SASH1: variants seen among roughly 807,000 people sequenced by gnomAD.
SASH1 encodes the protein SAM and SH3 domain-containing protein 1.
Under a neutral mutation model 125.2 loss-of-function variants are expected in SASH1, and 44 were observed. That is an observed-to-expected ratio of 0.35 (90% CI 0.28 to 0.45). The LOEUF (loss-of-function observed/expected upper bound fraction) is 0.45. SASH1 is among the 20% of genes least tolerant of loss of function. SASH1 has a pLI of 1.00. For missense variants in SASH1, 1,426 were observed against 1,614.5 expected, an observed-to-expected ratio of 0.88 and a Z score of 2.00; for synonymous variants, 639 against 649.1, an observed-to-expected ratio of 0.98 and a Z score of 0.24.
chr6:148,535,519 G>A (rs1781789638), intron 16 of SASH1, among the ~76,000 whole-genome samples: 1 of 152,224 alleles, frequency 6.6e-6, no homozygotes, highest in Non-Finnish European at 1.5e-5. Flanking sequence ...CGTTAAAGGA[G>A]GAGACGTCTC....
At chr6:148,513,623 C>A (rs899788628) in intron 8 of SASH1, 52 of 985,566 alleles carry the variant, frequency 5.3e-5, no homozygotes, top group Middle Eastern at 5.2e-4. Context: ...TGACTCCCTG[C>A]AAAGTGCAAT....
chr6:148,199,943 A>G, the SASH1 span, among the ~76,000 whole-genome samples: 1 of 152,180 alleles, frequency 6.6e-6, no homozygotes, highest in Non-Finnish European at 1.5e-5. Context: ...CTGAATATCA[A>G]CTGAGGGATA....
chr6:148,245,524 G>T, the SASH1 span, among the ~76,000 whole-genome samples: 1 of 152,160 alleles, frequency 6.6e-6, no homozygotes, highest in Non-Finnish European at 1.5e-5. Flanking sequence ...ATGCATTACT[G>T]GTTGTCTCTC....
chr6:148,342,000 C>T (rs1781342881), upstream of SASH1, among the ~76,000 whole-genome samples: 1 of 152,212 alleles, frequency 6.6e-6, no homozygotes, highest in Non-Finnish European at 1.5e-5. Context: ...CTTGGAAAAA[C>T]ACACACAGGG....
the SASH1 span, among the ~76,000 whole-genome samples, chr6:148,237,870 C>T: frequency 2.6e-5 from 4 of 152,200 alleles, no homozygotes; most frequent in Admixed American, 2.6e-4. Flanking sequence ...CCCTACCCTT[C>T]CAGGCCTCCT....
rs1232788547 is a variant in SASH1, at chr6:148,343,098, C to T, written c.31C>T (p.Pro11Ser). The change falls in exon 1 of 20, where the codon CCG (proline) becomes TCG (serine). Residue 11 changes from proline to serine, a missense_variant. Around this residue, in one of 3 missense-constraint regions of SASH1, gnomAD observed 567 missense variants for 575.6 expected, o/e 0.99. Transcript: ENST00000367467. MEDAGAAGPGPEPEPEPEPEP... is the reference protein window; with the variant it reads MEDAGAAGPGSEPEPEPEPEP... ...GGACGCGGGAGCAGCTGGCCCGGGG[C>T]CGGAGCCTGAGCCCGAGCCCGAGCC... 4 of 1,559,670 alleles carry T rather than the reference C, an allele frequency of 2.6e-6. No homozygotes were observed. Among genetic ancestry groups the T allele is most frequent in the South Asian group, 2.3e-5 (2 of 86,792 alleles).
intron 4 of SASH1, 38 bp from the exon 5 acceptor site, chr6:148,468,507 A>G: frequency 6.5e-7 from 1 of 1,546,484 alleles, no homozygotes; most frequent in Non-Finnish European, 8.9e-7. Flanking sequence ...CCATGAAAGC[A>G]AGGCTCTCTG....
At chr6:148,474,079 A>G in intron 6 of SASH1, 31 bp from the exon 7 acceptor site, 2 of 1,409,998 alleles carry the variant, frequency 1.4e-6, no homozygotes, top group Admixed American at 1.8e-5. Flanking sequence ...TCTTGTTTTC[A>G]CTCCTGTTGT....
At chr6:148,309,704 T>C (rs1780248802) in intron 1 of SASH1, among the ~76,000 whole-genome samples, 1 of 151,440 alleles carries the variant, frequency 6.6e-6, no homozygotes, top group African/African-American at 2.4e-5. Context: ...TCTCTCCTTG[T>C]ATTAAAAGAC....
At chr6:148,463,420 G>A (rs1308516782) in intron 4 of SASH1, among the ~76,000 whole-genome samples, 1 of 152,190 alleles carries the variant, frequency 6.6e-6, no homozygotes. Flanking sequence ...TGGGATTACA[G>A]GGTCAGACAC....
intron 2 of SASH1, among the ~76,000 whole-genome samples, chr6:148,390,646 G>A (rs1783666939): frequency 6.6e-6 from 1 of 152,002 alleles, no homozygotes; most frequent in South Asian, 2.1e-4. Flanking sequence ...AAATTAGCCG[G>A]GCGTGGTGAT....
intron 3 of SASH1, 40 bp downstream of exon 3, chr6:148,440,274 C>CT (rs34635991): frequency 1.2e-3 from 1,592 of 1,380,054 alleles, no homozygotes; most frequent in Middle Eastern, 1.7e-3. Flanking sequence ...TTGCTTCTGC[C>CT]TTTTTTTTTT....
chr6:148,272,378 G>C (rs1779083838), intron 1 of SASH1: 2 of 470,306 alleles, frequency 4.3e-6, no homozygotes, highest in Non-Finnish European at 8.8e-6. Context: ...AGATTGCAGG[G>C]TATGTAGGCT....
At chr6:148,547,910 C>G (rs561800851) in intron 19 of SASH1, among the ~76,000 whole-genome samples, 28 of 152,226 alleles carry the variant, frequency 1.8e-4, no homozygotes, top group Admixed American at 9.8e-4. Context: ...TTATAAAAAC[C>G]CTACCCACTG....
At chr6:148,337,974 C>T (rs958152450), upstream of SASH1, among the ~76,000 whole-genome samples, 20 of 151,376 alleles carry the variant, frequency 1.3e-4, no homozygotes, top group African/African-American at 3.9e-4. Flanking sequence ...CACAGAAGGA[C>T]GATTTCAATG....
intron 2 of SASH1, among the ~76,000 whole-genome samples, chr6:148,397,718 T>C (rs1784016082): frequency 6.6e-6 from 1 of 152,196 alleles, no homozygotes; most frequent in African/African-American, 2.4e-5. Flanking sequence ...TAGAGAACAG[T>C]GCATGGCACA....
intron 1 of SASH1, among the ~76,000 whole-genome samples, chr6:148,288,038 G>T (rs1779531590): frequency 6.6e-6 from 1 of 152,330 alleles, no homozygotes; most frequent in African/African-American, 2.4e-5. Flanking sequence ...AAAATAAACT[G>T]CAGACAGAAA....
chr6:148,422,560 T>C (rs1775612399), intron 2 of SASH1, among the ~76,000 whole-genome samples: 1 of 152,242 alleles, frequency 6.6e-6, no homozygotes, highest in Non-Finnish European at 1.5e-5. Context: ...GTATGTTTGC[T>C]GTAGTAACCA....
chr6:148,258,865 A>G, the SASH1 span, among the ~76,000 whole-genome samples: 3 of 152,214 alleles, frequency 2.0e-5, no homozygotes, highest in African/African-American at 7.2e-5. Flanking sequence ...GTTTACCAGA[A>G]TGGAACATTC....
Sources: gnomAD v4.1 joint callset for allele counts (sites outside exome capture counted in the v4.1 genomes callset) on GRCh38, gnomAD v4.1.1 for gene constraint, gnomAD v4.1.1 regional missense constraint, MANE v1.5 for transcripts, NCBI Gene and HGNC (gene_info 2026-07-23, HGNC 2026-07-21) for gene names.